The following RAB11FIP4 variants were observed in gnomAD, a reference collection of about 807,000 sequenced individuals.
RAB11FIP4 encodes RAB11 family interacting protein 4.
RAB11FIP4 carries 23 observed loss-of-function variants against 74.3 expected under a neutral mutation model. That is an observed-to-expected ratio of 0.31 (90% CI 0.22 to 0.44). The LOEUF is 0.44. RAB11FIP4 is among the 20% of genes least tolerant of loss of function. The probability of loss-of-function intolerance (pLI) is 1.00; values close to 1 mark genes in which losing one functional copy is unlikely to be tolerated. For missense variants in RAB11FIP4, 630 were observed against 863.9 expected (o/e 0.73, Z 3.39); for synonymous variants, 360 against 359.9 (o/e 1.00, Z 0.00).
intron 3 of RAB11FIP4, among the ~76,000 whole-genome samples, chr17:31,451,048 A>G (rs889142385): frequency 6.6e-6 from 1 of 151,712 alleles, no homozygotes; most frequent in Non-Finnish European, 1.5e-5. Flanking sequence ...ACTTCCCTCC[A>G]CCTTGGAGGT....
rs767462981 is a variant in RAB11FIP4 at position 31,528,506 on chromosome 17, G to A, written c.1457G>A (p.Arg486His). 4.5e-5 allele frequency: 73 copies of A among 1,613,746 alleles called. No individual in the cohort carries two copies. Among genetic ancestry groups the A allele is most frequent in the Non-Finnish European group, 5.8e-5 (69 of 1,180,044 alleles). Reference sequence around the variant, plus strand: ...ATGATGGACAAGCTGCGACAGAACCGCCTTGAGTTCCAGAAGGAGCGGGAG... The same window carrying A: ...ATGATGGACAAGCTGCGACAGAACCACCTTGAGTTCCAGAAGGAGCGGGAG... ...KRMMDKLRQN[R>H]LEFQKEREAT... Residue 486 changes from arginine to histidine, a missense_variant, in exon 12 of 15, where the codon CGC becomes CAC. Arg to His is a conservative substitution (Grantham distance 29). Transcript: ENST00000621161.
intron 3 of RAB11FIP4, among the ~76,000 whole-genome samples, chr17:31,511,019 T>A (rs2072442425): frequency 6.6e-6 from 1 of 151,394 alleles, no homozygotes; most frequent in Admixed American, 6.6e-5. Flanking sequence ...TGTTGTTGTT[T>A]TTGTGTTTTT....
chr17:31,402,598 T>TTTATTTA (rs1555541192), intron 1 of RAB11FIP4, among the ~76,000 whole-genome samples: 6 of 142,752 alleles, frequency 4.2e-5, no homozygotes, highest in African/African-American at 1.3e-4. Context: ...TTTTATTTAT[T>TTTATTTA]TTTATTTATT....
At chr17:31,444,757 T>C (rs970343799) in intron 3 of RAB11FIP4, among the ~76,000 whole-genome samples, 11 of 152,060 alleles carry the variant, frequency 7.2e-5, no homozygotes, top group Non-Finnish European at 1.6e-4. Flanking sequence ...GAGGGAAAAA[T>C]TTGGGTTTTA....
rs561064576 is a variant in RAB11FIP4, at chr17:31,516,583, C to G, written c.337-1068C>G. Among the ~76,000 whole-genome samples, 68 of 152,382 alleles carry G rather than the reference C, an allele frequency of 4.5e-4. 2 individuals carry two copies. The South Asian group carries it at 9.1e-3, about 20-fold the overall frequency. ...CTCCTAGGTTCACGCCATTCTCCTG[C>G]CTCAGCCTCCCGAGTAGCTGGGACT... On this transcript the variant is annotated intron_variant, in intron 3 of 14. Transcript: ENST00000621161.
rs563011086 is a variant in RAB11FIP4 at position 31,501,102 on chromosome 17, A to C, written c.337-16549A>C. 3.3e-5 allele frequency among the ~76,000 whole-genome samples: 5 copies of C among 152,288 alleles called. No homozygotes were observed. In the South Asian group the frequency reaches 1.0e-3, roughly 32 times the overall value. ...TAGAATGCCATCCTGATAATCATAGATTCACCAAGCTTTGATTTCAACAAA... is the reference window on the plus strand; with the variant it reads ...TAGAATGCCATCCTGATAATCATAGCTTCACCAAGCTTTGATTTCAACAAA... On this transcript the variant is annotated intron_variant, in intron 3 of 14. Coordinates refer to ENST00000621161, the MANE Select transcript of RAB11FIP4 (RefSeq NM_032932.6).
At chr17:31,444,352 C>CG (rs1390677110) in intron 3 of RAB11FIP4, among the ~76,000 whole-genome samples, 1 of 150,676 alleles carries the variant, frequency 6.6e-6, no homozygotes, top group Non-Finnish European at 1.5e-5. Flanking sequence ...TTTCAACACC[C>CG]CCCCCACCCT....
chr17:31,468,644 C>T (rs1174418253), intron 3 of RAB11FIP4, among the ~76,000 whole-genome samples: 1 of 152,068 alleles, frequency 6.6e-6, no homozygotes, highest in Non-Finnish European at 1.5e-5. Context: ...TCCTGGCCAA[C>T]ATGGTGAAAC....
chr17:31,395,793 G>A (rs1317126609), intron 1 of RAB11FIP4, among the ~76,000 whole-genome samples: 1 of 152,158 alleles, frequency 6.6e-6, no homozygotes, highest in Non-Finnish European at 1.5e-5. Context: ...AGGAAGTCAG[G>A]ATCAAGTATG....
At chr17:31,521,802 C>G (rs566937021) in intron 5 of RAB11FIP4, 113 bp from the exon 6 acceptor site, 1 of 1,236,380 alleles carries the variant, frequency 8.1e-7, no homozygotes, top group Admixed American at 2.1e-5. Context: ...GCCCCTCCCC[C>G]GTAACAAGGT....
At chr17:31,423,560 G>A (rs2071219526) in intron 1 of RAB11FIP4, among the ~76,000 whole-genome samples, 1 of 152,144 alleles carries the variant, frequency 6.6e-6, no homozygotes, top group African/African-American at 2.4e-5. Context: ...AATCAGTTAG[G>A]TTGACGCCTC....
intron 3 of RAB11FIP4, among the ~76,000 whole-genome samples, chr17:31,436,752 TG>T (rs1297851416): frequency 2.8e-5 from 1 of 36,026 alleles, no homozygotes; most frequent in East Asian, 1.1e-3. Context: ...TTTTGTTTTT[TG>T]TTTTTTTTTT....
rs189956858 is a variant in RAB11FIP4, at chr17:31,418,342, C to T, written c.160-13471C>T. 5.3e-4 allele frequency among the ~76,000 whole-genome samples: 80 copies of T among 152,122 alleles called. 1 individual carries two copies. The South Asian group carries it at 6.8e-3, about 13-fold the overall frequency. ...GGCGGAGGTTGCAGTGAGCCGAGATCGCACCATTGCATTCCAGCCTGGGAG... is the reference window on the plus strand; with the variant it reads ...GGCGGAGGTTGCAGTGAGCCGAGATTGCACCATTGCATTCCAGCCTGGGAG... On this transcript the variant is annotated intron_variant, in intron 1 of 14. Transcript: ENST00000621161.
rs995513584 is a variant in RAB11FIP4 at position 31,521,212 on chromosome 17, C to T, written c.610C>T (p.His204Tyr). The T allele has an allele frequency of 2.5e-6, 4 of 1,613,040 alleles. No homozygotes were observed. Among genetic ancestry groups the T allele is most frequent in the Admixed American group, 1.7e-5 (1 of 59,926 alleles). The change falls in exon 5 of 15, where the codon CAC (histidine) becomes TAC (tyrosine). Residue 204 changes from histidine to tyrosine, a missense_variant. His to Tyr is a moderately conservative substitution (Grantham distance 83). Coordinates refer to ENST00000621161, the MANE Select transcript of RAB11FIP4 (RefSeq NM_032932.6). ...CATGACGACCTCAGACCTTTCTACA[C>T]ACTCCACCACCTCGCTCATCAGCAA... is the stretch of plus-strand genomic sequence containing the variant. Reference protein sequence around the residue: ...PSMTTSDLSTHSTTSLISNEE... With the variant: ...PSMTTSDLSTYSTTSLISNEE...
At position 31,531,953 on chromosome 17, in the gene RAB11FIP4, C is replaced by T; in HGVS notation, c.*221C>T. ...ATCCACACGGTTAGCCGTGCATGCA[C>T]TTTGTGGCCCCTTTGCAAGGGGCAG... On this transcript the variant is annotated 3_prime_UTR_variant, in exon 15 of 15. Transcript: ENST00000621161. 3.9e-6 allele frequency: 2 copies of T among 513,138 alleles called. No individual in the cohort carries two copies. Among genetic ancestry groups the T allele is most frequent in the South Asian group, 2.6e-5 (1 of 38,472 alleles). 31.8% of individuals were successfully genotyped at this position (513,138 alleles called of 1,614,324 possible).
chr17:31,452,239 C>T (rs1421812559), intron 3 of RAB11FIP4, among the ~76,000 whole-genome samples: 1 of 152,122 alleles, frequency 6.6e-6, no homozygotes, highest in African/African-American at 2.4e-5. Context: ...CACTGCTGCA[C>T]AGTGCCTGGC....
intron 10 of RAB11FIP4, chr17:31,526,936 C>CA (rs1024833884): frequency 1.3e-5 from 2 of 152,226 alleles, no homozygotes; most frequent in African/African-American, 4.8e-5. Context: ...GACAAACAAA[C>CA]AAAAAACTGA....
intron 3 of RAB11FIP4, among the ~76,000 whole-genome samples, chr17:31,471,074 T>C (rs901050673): frequency 1.3e-5 from 2 of 152,156 alleles, no homozygotes; most frequent in African/African-American, 2.4e-5. Context: ...GAAGGTTTTT[T>C]TTTTTTTTGA....
Position 31,531,839 on chromosome 17 carries a change from C to T in RAB11FIP4, c.*107C>T, listed in dbSNP as rs1597990185. On this transcript the variant is annotated 3_prime_UTR_variant, in exon 15 of 15. Transcript: ENST00000621161. ...CCTCACACTCACACTGTAAATGTCT[C>T]TCTGGCCACCATGCGTTACGTGTAC... The T allele has an allele frequency of 2.7e-6, 2 of 737,112 alleles. No homozygotes were observed. Among genetic ancestry groups the T allele is most frequent in the Non-Finnish European group, 2.4e-6 (1 of 419,578 alleles). The allele number at this position is 737,112 out of a possible 1,614,324, so 45.7% of individuals were successfully genotyped here.
Sources: gnomAD v4.1 joint callset for allele counts (sites outside exome capture counted in the v4.1 genomes callset) on GRCh38, gnomAD v4.1.1 for gene constraint, MANE v1.5 for transcripts, NCBI Gene and HGNC (gene_info 2026-07-23, HGNC 2026-07-21) for gene names.